Variants in TEX9 observed in about 807,000 individuals in gnomAD.
The protein encoded by TEX9 is testis-expressed protein 9.
Under a neutral mutation model 59.6 loss-of-function variants are expected in TEX9, and 74 were observed. That is an observed-to-expected ratio of 1.24 (90% CI 1.03 to 1.51). TEX9 has a LOEUF of 1.51. Ranked by LOEUF, TEX9 falls within the 40% of genes most tolerant of loss-of-function variation. The pLI is 0.00. For synonymous variants in TEX9, 186 were observed against 152.2 expected (o/e 1.22, Z -1.64); for missense variants, 522 against 447.8 (o/e 1.17, Z -1.49).
At chr15:56,449,603 A>G (rs1485804733), downstream of TEX9, among the ~76,000 whole-genome samples, 1 of 152,156 alleles carries the variant, frequency 6.6e-6, no homozygotes, top group Non-Finnish European at 1.5e-5. Context: ...CAAATTGGGA[A>G]GGGCTTCCTC....
chr15:56,267,502 G>A (rs189428371), intron 1 of TEX9, among the ~76,000 whole-genome samples: 278 of 152,224 alleles, frequency 1.8e-3, no homozygotes, highest in Non-Finnish European at 1.5e-3. Flanking sequence ...ATTAATTTTC[G>A]TATAACGTGT....
intron 2 of TEX9, among the ~76,000 whole-genome samples, chr15:56,367,201 C>T (rs2046985219): frequency 6.6e-6 from 1 of 152,104 alleles, no homozygotes; most frequent in South Asian, 2.1e-4. Flanking sequence ...ATATGGTGGC[C>T]AGTTGTTACT....
At chr15:56,400,784 C>G (rs754607458) in intron 9 of TEX9, among the ~76,000 whole-genome samples, 28 of 152,338 alleles carry the variant, frequency 1.8e-4, no homozygotes, top group Middle Eastern at 3.4e-3. Context: ...AACGGGAGAT[C>G]TCTCAGCAGA....
At chr15:56,332,100 C>A (rs1408253821) in intron 1 of TEX9, among the ~76,000 whole-genome samples, 1 of 128,726 alleles carries the variant, frequency 7.8e-6, no homozygotes, top group Admixed American at 8.4e-5. Context: ...TACCATTTGA[C>A]CCAGCCATCC....
chr15:56,345,067 A>AC (rs1787605316), intron 1 of TEX9, among the ~76,000 whole-genome samples: 1 of 115,662 alleles, frequency 8.6e-6, no homozygotes, highest in Non-Finnish European at 2.1e-5. Flanking sequence ...ACACACACAC[A>AC]TATATATATG....
At chr15:56,297,294 A>C (rs2045239987) in intron 1 of TEX9, among the ~76,000 whole-genome samples, 1 of 152,220 alleles carries the variant, frequency 6.6e-6, no homozygotes. Flanking sequence ...GCGTCTCTTA[A>C]GTACTGGTAA....
At chr15:56,446,080 A>T (rs2050899747), downstream of TEX9, 1 of 151,956 alleles carries the variant, frequency 6.6e-6, no homozygotes, top group African/African-American at 2.4e-5. Context: ...TATGGTATCT[A>T]TTCTTAATTG....
intron 1 of TEX9, among the ~76,000 whole-genome samples, chr15:56,280,427 A>G (rs2044787225): frequency 6.6e-6 from 1 of 152,210 alleles, no homozygotes; most frequent in East Asian, 1.9e-4. Context: ...TAGGAGAGGG[A>G]TAACCTTCCT....
intron 12 of TEX9, chr15:56,428,587 A>T: frequency 1.8e-6 from 1 of 569,978 alleles, no homozygotes; most frequent in Non-Finnish European, 3.0e-6. Context: ...CCCTTTTTAG[A>T]TTTAGGAGAT....
intron 1 of TEX9, among the ~76,000 whole-genome samples, chr15:56,280,800 C>A (rs1288502009): frequency 1.3e-5 from 2 of 152,122 alleles, no homozygotes; most frequent in Admixed American, 1.3e-4. Flanking sequence ...AGATTTTATG[C>A]CTAAGACTGA....
At chr15:56,373,418 T>G (rs368751112) in intron 2 of TEX9, 23 bp from the exon 3 acceptor site, 1 of 1,587,488 alleles carries the variant, frequency 6.3e-7, no homozygotes, top group Non-Finnish European at 8.5e-7. Flanking sequence ...CTTCAGTATA[T>G]CCCAATTATT....
At chr15:56,259,210 G>T (rs2044210916) in intron 1 of TEX9, among the ~76,000 whole-genome samples, 1 of 151,920 alleles carries the variant, frequency 6.6e-6, no homozygotes, top group South Asian at 2.1e-4. Flanking sequence ...ATAAATTTTT[G>T]TTGGAAGACA....
At chr15:56,255,332 T>A (rs1421229710) in intron 1 of TEX9, among the ~76,000 whole-genome samples, 2 of 152,056 alleles carry the variant, frequency 1.3e-5, no homozygotes, top group African/African-American at 4.8e-5. Context: ...AGGAGGTAAG[T>A]TCTAAAAGCT....
intron 1 of TEX9, among the ~76,000 whole-genome samples, chr15:56,330,295 C>G (rs1351240329): frequency 6.6e-6 from 1 of 152,048 alleles, no homozygotes; most frequent in African/African-American, 2.4e-5. Context: ...GTACTTCAAT[C>G]TGAAAGAAAA....
chr15:56,324,181 C>CAA (rs34168091), intron 1 of TEX9, among the ~76,000 whole-genome samples: 1,577 of 147,292 alleles, frequency 0.011, 10 homozygotes, highest in African/African-American at 0.013. Context: ...TCTGTAATTG[C>CAA]AAAAAAAAAA....
At chr15:56,288,281 T>TA (rs1432620571) in intron 1 of TEX9, among the ~76,000 whole-genome samples, 2 of 152,034 alleles carry the variant, frequency 1.3e-5, no homozygotes, top group African/African-American at 2.4e-5. Context: ...ATTTTTTTTT[T>TA]ACTAGTTCGC....
intron 3 of TEX9, among the ~76,000 whole-genome samples, chr15:56,381,777 C>T (rs1420957362): frequency 6.6e-6 from 1 of 152,228 alleles, no homozygotes; most frequent in Non-Finnish European, 1.5e-5. Flanking sequence ...CTGTGCCCAG[C>T]ACCACTGGGA....
chr15:56,324,954 A>G (rs2045991208), intron 1 of TEX9, among the ~76,000 whole-genome samples: 1 of 152,168 alleles, frequency 6.6e-6, no homozygotes, highest in African/African-American at 2.4e-5. Context: ...CACATAATAG[A>G]CAGATTATAA....
In TEX9 at chr15:56,394,228, T is replaced by G. The variant is rs751453997; in HGVS notation, c.635T>G (p.Val212Gly). ...ATGCAGGAGGAATTGGATAATGTTG[T>G]ATGTGAATGCAATAAAAAGGTAAGT... The change falls in exon 8 of 13, where the codon GTA (valine) becomes GGA (glycine). Residue 212 changes from valine to glycine, a missense_variant. Coordinates refer to ENST00000352903, the Ensembl canonical transcript of TEX9. 3.7e-6 allele frequency: 6 copies of G among 1,606,792 alleles called. No homozygotes were observed. In the Admixed American group the frequency reaches 1.0e-4, roughly 27 times the overall value.
Sources: allele counts gnomAD v4.1 joint callset (sites outside exome capture counted in the v4.1 genomes callset), GRCh38; gene constraint gnomAD v4.1.1; transcripts MANE v1.5; gene names NCBI Gene and HGNC (gene_info 2026-07-23, HGNC 2026-07-21).